Variants in FRMPD4 observed in about 807,000 individuals in gnomAD.
FRMPD4 encodes the protein FERM and PDZ domain containing 4.
In FRMPD4, 22 loss-of-function variants were observed where a neutral mutation model predicts 94.1. The observed-to-expected ratio is 0.23, with a 90% confidence interval of 0.17 to 0.33. FRMPD4 has a LOEUF of 0.33. Ranked by LOEUF, FRMPD4 falls within the 10% of genes least tolerant of loss-of-function variation. The pLI is 1.00. For missense variants in FRMPD4, 1,111 were observed against 1,339.9 expected (o/e 0.83, Z 2.67); for synonymous variants, 631 against 548.6 (o/e 1.15, Z -2.10).
At position 12,061,815 on chromosome X, in the gene FRMPD4, G is replaced by T. The variant is rs754242691; in HGVS notation, c.95+183797G>T. 6.3e-5 allele frequency among the ~76,000 whole-genome samples: 7 copies of T among 110,796 alleles called. No homozygotes were observed. The South Asian group carries it at 2.7e-3, about 42-fold the overall frequency. ...TTCCATTATATTGAAGAACATTTTTGTTACCCCAAAAACTCAAGGTCAAAC... is the reference window on the plus strand; with the variant it reads ...TTCCATTATATTGAAGAACATTTTTTTTACCCCAAAAACTCAAGGTCAAAC... On this transcript the variant is annotated intron_variant, in intron 3 of 18. Coordinates refer to the FRMPD4 transcript ENST00000640291.
intron 1 of FRMPD4, among the ~76,000 whole-genome samples, chrX:12,422,108 A>G (rs973621729): frequency 5.3e-5 from 6 of 112,344 alleles, no homozygotes; most frequent in Non-Finnish European, 1.1e-4. Flanking sequence ...ATGAATTATA[A>G]GTGAGTATGG....
intron 1 of FRMPD4, among the ~76,000 whole-genome samples, chrX:11,854,039 C>T (rs986153924): frequency 1.2e-4 from 13 of 111,834 alleles, no homozygotes; most frequent in African/African-American, 2.0e-4. Flanking sequence ...TAGATTTAAT[C>T]GACTCACAGT....
chrX:12,718,025 A>G lies in FRMPD4; in HGVS notation c.3199A>G (p.Thr1067Ala), dbSNP rs910322010. The G allele has an allele frequency of 2.5e-6, 3 of 1,210,423 alleles. No homozygotes were observed. Among genetic ancestry groups the G allele is most frequent in the Non-Finnish European group, 1.1e-6 (1 of 895,104 alleles). The change falls in exon 16 of 17, where the codon ACT becomes GCT. Residue 1067 changes from threonine (T) to alanine (A), a missense_variant. This residue lies in a region of FRMPD4 where 551 missense variants were observed against 591.6 expected (regional missense o/e 0.93). Coordinates refer to ENST00000675598, the MANE Select transcript of FRMPD4 (RefSeq NM_001368397.1). ...MEEEASGKFG[T>A]VSSRDSQHLS... ...GGAGGAGGCCAGTGGTAAATTTGGT[A>G]CTGTGTCTTCACGAGACAGTCAACA... is the stretch of plus-strand genomic sequence containing the variant.
At chrX:12,664,518 T>C (rs760237216) in intron 4 of FRMPD4, among the ~76,000 whole-genome samples, 1 of 112,305 alleles carries the variant, frequency 8.9e-6, no homozygotes, top group East Asian at 2.8e-4. Context: ...TTGATTTGCA[T>C]ACGTTGAACC....
chrX:12,560,742 CTTTTTTTTTTTTTTTTTTTTTTTT>C (rs749269384), intron 2 of FRMPD4, among the ~76,000 whole-genome samples: 542 of 43,406 alleles, frequency 0.012, 19 homozygotes, highest in Non-Finnish European at 0.02. Flanking sequence ...CTCCCCTCAT[CTTTTTTTTTTTTTTTTTTTTTTTT>C]TTTTTTTTTT....
At chrX:12,427,814 CT>C (rs1181437044) in intron 1 of FRMPD4, among the ~76,000 whole-genome samples, 3 of 107,227 alleles carry the variant, frequency 2.8e-5, no homozygotes, top group Non-Finnish European at 5.8e-5. Context: ...GCATAAGTCA[CT>C]TTTTTGATTC....
intron 3 of FRMPD4, among the ~76,000 whole-genome samples, chrX:11,932,641 T>G (rs1281860743): frequency 9.1e-6 from 1 of 109,804 alleles, no homozygotes; most frequent in East Asian, 2.9e-4. Flanking sequence ...ACTGTTCTAC[T>G]GTTTGAACAA....
intron 1 of FRMPD4, among the ~76,000 whole-genome samples, chrX:12,343,148 C>T (rs971878935): frequency 1.8e-5 from 2 of 111,598 alleles, no homozygotes; most frequent in African/African-American, 6.5e-5. Flanking sequence ...GAGAGACAGT[C>T]AATTGACACC....
intron 1 of FRMPD4, among the ~76,000 whole-genome samples, chrX:12,296,659 A>G (rs1472642448): frequency 8.9e-6 from 1 of 112,130 alleles, no homozygotes; most frequent in Non-Finnish European, 1.9e-5. Context: ...AGCAGGTTGG[A>G]CTTGCCTGAG....
At chrX:12,662,375 C>T (rs375479566) in intron 4 of FRMPD4, among the ~76,000 whole-genome samples, 5 of 109,333 alleles carry the variant, frequency 4.6e-5, no homozygotes, top group Admixed American at 2.0e-4. Context: ...CGACAGGGCC[C>T]GGTGTGTGAT....
chrX:12,016,028 A>G (rs1251360621), intron 3 of FRMPD4, among the ~76,000 whole-genome samples: 1 of 112,642 alleles, frequency 8.9e-6, no homozygotes, highest in Non-Finnish European at 1.9e-5. Context: ...TGGCACAGAA[A>G]GATAAGCAAA....
chrX:12,051,833 A>G (rs1238813418), intron 3 of FRMPD4, among the ~76,000 whole-genome samples: 1 of 111,053 alleles, frequency 9.0e-6, no homozygotes, highest in Non-Finnish European at 1.9e-5. Context: ...AAAGAAAGAA[A>G]CCATGGTCCC....
chrX:12,444,819 A>C (rs1231651245), intron 1 of FRMPD4, among the ~76,000 whole-genome samples: 1 of 111,872 alleles, frequency 8.9e-6, no homozygotes, highest in African/African-American at 3.3e-5. Context: ...TAAGGACATT[A>C]ATCTATTCAT....
At chrX:12,331,209 T>C (rs2055366596) in intron 1 of FRMPD4, among the ~76,000 whole-genome samples, 1 of 104,644 alleles carries the variant, frequency 9.6e-6, no homozygotes, top group Admixed American at 1.0e-4. Context: ...TGCAACAGAG[T>C]GTTTTCGGGA....
intron 2 of FRMPD4, among the ~76,000 whole-genome samples, chrX:12,549,615 G>A (rs968824012): frequency 1.4e-4 from 16 of 111,970 alleles, no homozygotes; most frequent in African/African-American, 5.2e-4. Flanking sequence ...TCTGCATCTG[G>A]TTCAGAAAAT....
intron 1 of FRMPD4, among the ~76,000 whole-genome samples, chrX:11,827,108 A>G (rs1481576986): frequency 9.8e-6 from 1 of 102,295 alleles, no homozygotes; most frequent in Non-Finnish European, 2.0e-5. Context: ...TTCTGTATAT[A>G]ACATATATAA....
chrX:12,123,127 T>C (rs1418759210), intron 3 of FRMPD4, among the ~76,000 whole-genome samples: 4 of 78,840 alleles, frequency 5.1e-5, no homozygotes, highest in South Asian at 1.5e-3. Context: ...TCTTTTCTTT[T>C]TTTTTTTTTT....
chrX:12,700,613 G>A (rs1199167332), intron 9 of FRMPD4, among the ~76,000 whole-genome samples: 2 of 112,453 alleles, frequency 1.8e-5, no homozygotes, highest in Non-Finnish European at 3.8e-5. Flanking sequence ...AAGGCTGAAA[G>A]AGGAGGAATG....
chrX:12,437,406 T>TTCTA lies in FRMPD4; in HGVS notation c.42-61271_42-61270insATCT, dbSNP rs796341615. Reference sequence around the variant, plus strand: ...GATCTAGCAATATATTCTTTTTTCTTTCTTTCTTTCTTTCTTCTACCTGCC... The same window carrying TTCTA: ...GATCTAGCAATATATTCTTTTTTCTTTCTATCTTTCTTTCTTTCTTCTACCTGCC... On this transcript the variant is annotated intron_variant, in intron 1 of 16. Coordinates refer to ENST00000675598, the MANE Select transcript of FRMPD4 (RefSeq NM_001368397.1). 3.6e-5 allele frequency among the ~76,000 whole-genome samples: 4 copies of TTCTA among 110,821 alleles called. No homozygotes were observed. The South Asian group carries it at 1.5e-3, about 42-fold the overall frequency.
Sources: gnomAD v4.1 joint callset for allele counts (sites outside exome capture counted in the v4.1 genomes callset) on GRCh38, gnomAD v4.1.1 for gene constraint, gnomAD v4.1.1 regional missense constraint, MANE v1.5 for transcripts, NCBI Gene and HGNC (gene_info 2026-07-23, HGNC 2026-07-21) for gene names.